Variants in FBN3 observed in about 807,000 individuals in gnomAD.
FBN3 encodes the protein fibrillin-3.
In FBN3, 234 loss-of-function variants were observed where a neutral mutation model predicts 330.1. The ratio of observed to expected loss-of-function variants is 0.71; its 90% CI spans 0.64 to 0.79. The LOEUF is 0.79. Among genes scored for constraint, FBN3 ranks in the 30% least tolerant of loss-of-function variants. The pLI is 0.00. For synonymous variants in FBN3, 1,458 were observed against 1,517.3 expected (o/e 0.96, Z 0.91); for missense variants, 3,606 against 3,886.9 (o/e 0.93, Z 1.92).
rs770957025 is a variant in FBN3, at chr19:8,102,860, A to G, written c.4953T>C (p.Ser1651=). The change falls in exon 40 of 64, where the codon AGT becomes AGC. Residue 1651 remains serine (S), a synonymous_variant. Transcript: ENST00000600128. Reference sequence around the variant, plus strand: ...TGCCGTTATAGTGCCGGAAGCAGACACTCTTCCTCATATCTGTAGTTGGCA... The same window carrying G: ...TGCCGTTATAGTGCCGGAAGCAGACGCTCTTCCTCATATCTGTAGTTGGCA... ...GGNNCMDMRK[S]VCFRHYNGTC... 19 of 1,613,748 alleles carry G rather than the reference A, an allele frequency of 1.2e-5. No homozygotes were observed. The highest frequency in any genetic ancestry group is 1.4e-5 in the Non-Finnish European group (16 of 1,179,960).
rs2082734223 is a variant in FBN3 at position 8,117,538 on chromosome 19, A to G, written c.3389T>C (p.Val1130Ala). The G allele has an allele frequency of 6.4e-7, 1 of 1,558,050 alleles. No individual in the cohort carries two copies. Among genetic ancestry groups the G allele is most frequent in the South Asian group, 1.2e-5 (1 of 84,280 alleles). ...SDGLCPHGQC[V>A]NVIGAFQCSC... is the part of the protein sequence containing the mutation. ...GCACTGGAAGGCACCGATGACATTG[A>G]CACACTGGCCATGGGGACACAGGCC... Residue 1130 changes from valine to alanine, a missense_variant, in exon 27 of 64, where the codon GTC becomes GCC. Physicochemically the swap from Val to Ala is moderately conservative, Grantham distance 64. Coordinates refer to ENST00000600128, the MANE Select transcript of FBN3 (RefSeq NM_032447.5).
rs1568378870 is a variant in FBN3 at position 8,089,979 on chromosome 19, G to C, written c.6185-20C>G. On this transcript the variant is annotated intron_variant, in intron 49 of 63. Coordinates refer to ENST00000600128, the MANE Select transcript of FBN3 (RefSeq NM_032447.5). ...AGGCAGCTGGACGGAGAGGGGGAGGGGAGTCAGAGTCAGGGCCTAGGTGCA... is the reference window on the plus strand; with the variant it reads ...AGGCAGCTGGACGGAGAGGGGGAGGCGAGTCAGAGTCAGGGCCTAGGTGCA... 6.2e-7 allele frequency: 1 copy of C among 1,607,896 alleles called. No individual in the cohort carries two copies. Among genetic ancestry groups the C allele is most frequent in the African/African-American group, 1.3e-5 (1 of 74,870 alleles).
In FBN3 at chr19:8,096,693, C is replaced by T. The variant is rs1042548804; in HGVS notation, c.5414-124G>A. 1.0e-5 allele frequency: 14 copies of T among 1,404,000 alleles called. No individual in the cohort carries two copies. The highest frequency in any genetic ancestry group is 4.3e-5 in the African/African-American group (3 of 70,170). 87.0% of individuals were successfully genotyped at this position (1,404,000 alleles called of 1,614,324 possible). A position where few individuals can be genotyped will look rare whatever the true frequency, so the allele number is the denominator to read the frequency against. On this transcript the variant is annotated intron_variant, in intron 43 of 63. Transcript: ENST00000600128. The surrounding 1 kb of genome is among the most constrained non-coding windows in gnomAD (Gnocchi z 4.6). ...TCCCCACTCAAACTTCCACCAGGGGCGTCAGGCTGTCTGCATGGACCTGAG... is the reference window on the plus strand; with the variant it reads ...TCCCCACTCAAACTTCCACCAGGGGTGTCAGGCTGTCTGCATGGACCTGAG...
chr19:8,113,412 G>A (rs1172935151), intron 30 of FBN3, among the ~76,000 whole-genome samples: 1 of 152,188 alleles, frequency 6.6e-6, no homozygotes, highest in East Asian at 1.9e-4. Context: ...CTACAGGTGA[G>A]CGCCAGCATG....
chr19:8,094,953 T>C (rs539259233), intron 46 of FBN3, among the ~76,000 whole-genome samples: 1 of 152,304 alleles, frequency 6.6e-6, no homozygotes, highest in Non-Finnish European at 1.5e-5. Context: ...AGGTTTGATG[T>C]GCTGATTTTA....
chr19:8,087,334 G>T, intron 53 of FBN3, 123 bp from the exon 54 acceptor site: 1 of 1,102,174 alleles, frequency 9.1e-7, no homozygotes, highest in Non-Finnish European at 1.2e-6. Context: ...CCTGTCAAAT[G>T]TCTATCCCTC....
intron 62 of FBN3, 152 bp from the exon 63 acceptor site, chr19:8,072,350 T>G: frequency 1.3e-6 from 1 of 798,936 alleles, no homozygotes; most frequent in Non-Finnish European, 1.9e-6. Flanking sequence ...TGGCTCCGTG[T>G]GCACGAGTGT....
chr19:8,146,585 A>T (rs1419572994), intron 3 of FBN3, among the ~76,000 whole-genome samples: 1 of 152,002 alleles, frequency 6.6e-6, no homozygotes, highest in Non-Finnish European at 1.5e-5. Context: ...ACAGAAACAG[A>T]AAGAGAGGGT....
chr19:8,067,128 TC>T (rs1305464268), intron 63 of FBN3, among the ~76,000 whole-genome samples: 1,849 of 148,954 alleles, frequency 0.012, 19 homozygotes, highest in Non-Finnish European at 0.016. Context: ...TTCTTCTTTT[TC>T]TTTTTTTTTT....
At chr19:8,101,565 G>C (rs2082328430) in intron 40 of FBN3, among the ~76,000 whole-genome samples, 2 of 152,172 alleles carry the variant, frequency 1.3e-5, no homozygotes, top group Non-Finnish European at 2.9e-5. Context: ...TCTTGGCTCT[G>C]AGCTTCTCCA....
chr19:8,068,308 A>G (rs2081435373), intron 63 of FBN3, among the ~76,000 whole-genome samples: 1 of 151,526 alleles, frequency 6.6e-6, no homozygotes, highest in African/African-American at 2.4e-5. Flanking sequence ...GGAGAATGGC[A>G]TGAACCCAGG....
intron 47 of FBN3, among the ~76,000 whole-genome samples, chr19:8,093,364 C>T (rs983932255): frequency 2.0e-5 from 3 of 152,086 alleles, no homozygotes; most frequent in African/African-American, 7.2e-5. Flanking sequence ...TGGCTCATGC[C>T]TGTAATCCCA....
chr19:8,068,181 T>C (rs1052902747), intron 63 of FBN3, among the ~76,000 whole-genome samples: 6 of 149,158 alleles, frequency 4.0e-5, no homozygotes, highest in Non-Finnish European at 8.9e-5. Context: ...GGTCAGGAGA[T>C]TGAGACCATC....
chr19:8,121,197 C>G lies in FBN3; in HGVS notation c.3211+61G>C, dbSNP rs2082839808. ...ACAGCAACAGCCGTCCCCACCCTCC[C>G]TCTCCTCAATGCCCTCCCTGCCCAG... On this transcript the variant is annotated intron_variant, in intron 25 of 63. Transcript: ENST00000600128. The surrounding 1 kb of genome is among the most constrained non-coding windows in gnomAD (Gnocchi z 4.5). 8.7e-6 allele frequency: 13 copies of G among 1,486,282 alleles called. No homozygotes were observed. The highest frequency in any genetic ancestry group is 2.1e-5 in the Admixed American group (1 of 48,286). The allele number at this position is 1,486,282 out of a possible 1,614,324, so 92.1% of individuals were successfully genotyped here.
chr19:8,077,144 G>T (rs1315880710), intron 59 of FBN3, among the ~76,000 whole-genome samples: 1 of 152,226 alleles, frequency 6.6e-6, no homozygotes, highest in Non-Finnish European at 1.5e-5. Flanking sequence ...TGGCTAAAAT[G>T]GCCAGGTTGC....
At chr19:8,136,924 G>A (rs1281455824) in intron 10 of FBN3, among the ~76,000 whole-genome samples, 9 of 147,518 alleles carry the variant, frequency 6.1e-5, no homozygotes, top group African/African-American at 2.0e-4. Context: ...CTCCAACCTG[G>A]GCCTGGATCC....
At position 8,083,254 on chromosome 19, in the gene FBN3, G is replaced by T; in HGVS notation, c.7206C>A (p.Thr2402=). The T allele has an allele frequency of 6.2e-7, 1 of 1,614,120 alleles. No homozygotes were observed. The highest frequency in any genetic ancestry group is 8.5e-7 in the Non-Finnish European group (1 of 1,180,034). The stretch of plus-strand genomic sequence containing the variant: ...GCAGAGGGCTGGGCTCACCCAGGCA[G>T]GTAGTAGCAGTAGCATCCGGTGTGT... ...AGYTPDATAT[T]CLDMDECSQV... Residue 2402 remains threonine, a synonymous_variant, in exon 57 of 64, where the codon ACC becomes ACA. Coordinates refer to ENST00000600128, the MANE Select transcript of FBN3 (RefSeq NM_032447.5).
At chr19:8,092,946 C>T (rs774032892) in intron 47 of FBN3, among the ~76,000 whole-genome samples, 4 of 152,000 alleles carry the variant, frequency 2.6e-5, no homozygotes, top group Non-Finnish European at 5.9e-5. Context: ...AGACTACATA[C>T]TGGGTACAGT....
chr19:8,126,517 G>C lies in FBN3; in HGVS notation c.2505C>G (p.Cys835Trp), dbSNP rs3813778. ...LQGASLRSEC[C>W]ATLGAAWGSP... ...TCCCCCAGGCTGCCCCGAGGGTGGCGCAGCACTCAGACCGCAGGCTGGCTC... is the reference window on the plus strand; with the variant it reads ...TCCCCCAGGCTGCCCCGAGGGTGGCCCAGCACTCAGACCGCAGGCTGGCTC... Residue 835 changes from cysteine (C) to tryptophan (W), a missense_variant, in exon 20 of 64, where the codon TGC (cysteine) becomes TGG (tryptophan). Physicochemically the swap from Cys to Trp is radical, Grantham distance 215. Transcript: ENST00000600128. 1.4e-4 allele frequency: 226 copies of C among 1,613,078 alleles called. 8 individuals carry two copies. In the South Asian group the frequency reaches 2.4e-3, roughly 17 times the overall value.
Sources: allele counts gnomAD v4.1 joint callset (sites outside exome capture counted in the v4.1 genomes callset), GRCh38; gene constraint gnomAD v4.1.1; non-coding constraint Gnocchi (gnomAD v3.1); transcripts MANE v1.5; gene names NCBI Gene and HGNC (gene_info 2026-07-23, HGNC 2026-07-21).